The following NLRP12 variants were observed in gnomAD, a reference collection of about 807,000 sequenced individuals.
The protein encoded by NLRP12 is NACHT, LRR and PYD domains-containing protein 12.
A neutral mutation model predicts 91.2 loss-of-function variants in NLRP12; 108 were observed. The ratio of observed to expected loss-of-function variants is 1.18; its 90% confidence interval spans 1.01 to 1.39. The LOEUF (loss-of-function observed/expected upper bound fraction) is 1.39, where lower values mean the gene tolerates loss of function less well. Ranked by LOEUF, NLRP12 falls within the 40% of genes most tolerant of loss-of-function variation. The pLI, the probability that NLRP12 is intolerant of heterozygous loss-of-function variation, is 0.00. For missense variants in NLRP12, 1,530 were observed against 1,352.7 expected, an observed-to-expected ratio of 1.13 and a Z score of -2.06; for synonymous variants, 613 against 566.7, an observed-to-expected ratio of 1.08 and a Z score of -1.16.
chr19:53,794,505 G>A (rs1004975127), intron 9 of NLRP12, among the ~76,000 whole-genome samples: 1 of 96,898 alleles, frequency 1.0e-5, no homozygotes, highest in Non-Finnish European at 2.2e-5. Context: ...ATTTTTAGTA[G>A]AGACAAGGTT....
chr19:53,823,775 C>G, intron 1 of NLRP12, 111 bp downstream of exon 1: 1 of 1,245,020 alleles, frequency 8.0e-7, no homozygotes, highest in Non-Finnish European at 1.2e-6. Flanking sequence ...GTCTTGAACT[C>G]CTCACCTCAA....
Position 53,804,073 on chromosome 19 carries a change from C to T in NLRP12, c.2464G>A (p.Val822Met), listed in dbSNP as rs2122593596. 3 of 1,614,072 alleles carry T rather than the reference C, an allele frequency of 1.9e-6. No homozygotes were observed. Among genetic ancestry groups the T allele is most frequent in the Non-Finnish European group, 2.5e-6 (3 of 1,180,016 alleles). The change falls in exon 6 of 10, where the codon GTG becomes ATG. Residue 822 changes from valine to methionine, a missense_variant. Coordinates refer to ENST00000324134, the MANE Select transcript of NLRP12 (RefSeq NM_144687.4). The stretch of plus-strand genomic sequence containing the variant: ...ACCAGATGTGGGTTGGTGCCGAGCA[C>T]AGAAGCCATCTCCTGACAAGCCCCG... The part of the protein sequence containing the change: ...ESGACQEMAS[V>M]LGTNPHLVEL...
In NLRP12 at chr19:53,805,417, G is replaced by A. The variant is rs763712459; in HGVS notation, c.2277C>T (p.Cys759=). 1.1e-5 allele frequency: 17 copies of A among 1,613,894 alleles called. No homozygotes were observed. Among genetic ancestry groups the A allele is most frequent in the East Asian group, 2.2e-5 (1 of 44,882 alleles). The change falls in exon 5 of 10, where the codon TGC becomes TGT. Residue 759 remains cysteine (C), a synonymous_variant. Coordinates refer to ENST00000324134, the MANE Select transcript of NLRP12 (RefSeq NM_144687.4). The part of the protein sequence containing the change: ...LKRCRISSSA[C]EDLSAALIAN... The stretch of plus-strand genomic sequence containing the variant: ...CTATGAGAGCTGCAGAGAGGTCCTC[G>A]CAGGCTGAGCTGGAGATGCGGCACC...
rs2122658928 is a variant in NLRP12 at position 53,809,825 on chromosome 19, C to T, written c.1834G>A (p.Glu612Lys). Residue 612 changes from glutamate to lysine, a missense_variant, in exon 3 of 10, where the codon GAG (glutamate) becomes AAG (lysine). Physicochemically the swap from Glu to Lys is moderately conservative, Grantham distance 56. Transcript: ENST00000324134. ...ATCTCGTACAAGCAGCTGAAGAACT[C>T]CAAGGAGCCCTGCTGCAGGGTGGAG... is the stretch of plus-strand genomic sequence containing the variant. ...DGSTLQQGSL[E>K]FFSCLYEIQE... 1.2e-6 allele frequency: 2 copies of T among 1,614,134 alleles called. No homozygotes were observed. Among genetic ancestry groups the T allele is most frequent in the Non-Finnish European group, 1.7e-6 (2 of 1,180,014 alleles).
chr19:53,814,778 C>T, intron 2 of NLRP12, 130 bp downstream of exon 2: 1 of 772,938 alleles, frequency 1.3e-6, no homozygotes, highest in Non-Finnish European at 2.3e-6. Flanking sequence ...CAGGAGGAAA[C>T]TGCCCCTTTG....
intron 2 of NLRP12, among the ~76,000 whole-genome samples, chr19:53,811,988 G>A (rs1382305313): frequency 6.6e-6 from 1 of 152,160 alleles, no homozygotes; most frequent in South Asian, 2.1e-4. Context: ...TGTAATCCCA[G>A]CACTTTGGGA....
rs62143203 is a variant in NLRP12 at position 53,819,694 on chromosome 19, C to T, written c.289+4192G>A. On this transcript the variant is annotated intron_variant, in intron 1 of 9. Coordinates refer to ENST00000324134, the MANE Select transcript of NLRP12 (RefSeq NM_144687.4). ...ATATATGTATGTATACATATATATA[C>T]ACACACACACACGTATATATATATG... Among the ~76,000 whole-genome samples the T allele has an allele frequency of 3.7e-3, 21 of 5,662 alleles. 1 individual carries two copies. The highest frequency in any genetic ancestry group is 6.7e-3 in the Non-Finnish European group (10 of 1,492). The allele number at this position is 5,662 out of a possible 152,430, so 3.7% of individuals were successfully genotyped here.
chr19:53,815,043 G>A (rs2092136120), intron 1 of NLRP12, 55 bp from the exon 2 acceptor site: 23 of 1,312,964 alleles, frequency 1.8e-5, no homozygotes, highest in South Asian at 5.9e-5. Context: ...GTAGCACCGC[G>A]TCATATTAGC....
At chr19:53,818,703 G>C (rs961215639) in intron 1 of NLRP12, among the ~76,000 whole-genome samples, 1 of 152,076 alleles carries the variant, frequency 6.6e-6, no homozygotes, top group African/African-American at 2.4e-5. Flanking sequence ...GGTAATTCTT[G>C]AAAATTGCAG....
At chr19:53,796,985 T>A (rs756277886) in intron 8 of NLRP12, among the ~76,000 whole-genome samples, 34 of 141,882 alleles carry the variant, frequency 2.4e-4, no homozygotes, top group African/African-American at 4.9e-4. Context: ...GACCCTGTTT[T>A]AAAAAAAAAA....
At chr19:53,796,179 G>C in intron 8 of NLRP12, 150 bp from the exon 9 acceptor site, 1 of 723,812 alleles carries the variant, frequency 1.4e-6, no homozygotes, top group Non-Finnish European at 2.5e-6. Context: ...CGATTCTCCT[G>C]CCTCAGCCTC....
intron 1 of NLRP12, among the ~76,000 whole-genome samples, chr19:53,821,662 T>C (rs4806751): frequency 0.89 from 135,685 of 151,986 alleles, 60,745 homozygotes; most frequent in Non-Finnish European, 0.93. Context: ...AGCAAGACTC[T>C]GTTTCAACAA....
At chr19:53,818,826 G>A (rs1016105257) in intron 1 of NLRP12, among the ~76,000 whole-genome samples, 2 of 152,088 alleles carry the variant, frequency 1.3e-5, no homozygotes. Context: ...TCAGAATCAC[G>A]GGTTGAGGGT....
In NLRP12 at chr19:53,810,183, A is replaced by G; in HGVS notation, c.1476T>C (p.Ser492=). ...RKHGLDGEDV[S]AFLNMNIFQK... ...GGAAGATGTTCATGTTGAGGAAGGC[A>G]GAGACGTCTTCCCCGTCTAGGCCGT... Residue 492 remains serine (S), a synonymous_variant, in exon 3 of 10, where the codon TCT becomes TCC. Coordinates refer to ENST00000324134, the MANE Select transcript of NLRP12 (RefSeq NM_144687.4). 6.2e-7 allele frequency: 1 copy of G among 1,614,156 alleles called. No homozygotes were observed. Among genetic ancestry groups the G allele is most frequent in the Non-Finnish European group, 8.5e-7 (1 of 1,180,018 alleles).
chr19:53,795,541 A>T (rs2091739408), intron 9 of NLRP12, among the ~76,000 whole-genome samples: 1 of 150,128 alleles, frequency 6.7e-6, no homozygotes, highest in African/African-American at 2.5e-5. Context: ...CGCCCGGCTA[A>T]TTTTTTGTGT....
chr19:53,809,028 C>A (rs779528657), intron 3 of NLRP12, among the ~76,000 whole-genome samples: 1 of 151,884 alleles, frequency 6.6e-6, no homozygotes, highest in African/African-American at 2.4e-5. Context: ...GAGTTCAAGA[C>A]CAGCCTGGCT....
At chr19:53,803,814 T>G in intron 6 of NLRP12, 138 bp downstream of exon 6, 1 of 792,830 alleles carries the variant, frequency 1.3e-6, no homozygotes, top group Non-Finnish European at 2.1e-6. Context: ...CCTCAGATGA[T>G]CTGCCCTCTT....
At chr19:53,818,395 C>A (rs954033405) in intron 1 of NLRP12, among the ~76,000 whole-genome samples, 4 of 151,776 alleles carry the variant, frequency 2.6e-5, no homozygotes, top group Non-Finnish European at 4.4e-5. Context: ...CAGGCCAGCG[C>A]GGTGGCTCAC....
chr19:53,794,838 T>C (rs540654707), intron 9 of NLRP12, among the ~76,000 whole-genome samples: 20 of 152,004 alleles, frequency 1.3e-4, no homozygotes, highest in African/African-American at 4.8e-4. Context: ...GGCTAATTTT[T>C]GCATAGAGCC....
Sources: gnomAD v4.1 joint callset for allele counts (sites outside exome capture counted in the v4.1 genomes callset) on GRCh38, gnomAD v4.1.1 for gene constraint, MANE v1.5 for transcripts, NCBI Gene and HGNC (gene_info 2026-07-23, HGNC 2026-07-21) for gene names.